VPS13C: variants seen among roughly 807,000 people sequenced by gnomAD.
VPS13C encodes vacuolar protein sorting 13 homolog C, also known as intermembrane lipid transfer protein VPS13C.
A neutral mutation model predicts 456.8 loss-of-function variants in VPS13C; 358 were observed. The ratio of observed to expected loss-of-function variants is 0.78; its 90% CI spans 0.72 to 0.86. VPS13C has a LOEUF of 0.86. Ranked by LOEUF, VPS13C falls within the 40% of genes least tolerant of loss-of-function variation. The probability of loss-of-function intolerance (pLI) is 0.00; values close to 1 mark genes in which losing one functional copy is unlikely to be tolerated. For synonymous variants in VPS13C, 1,578 were observed against 1,486.7 expected (o/e 1.06, Z -1.41); for missense variants, 4,818 against 4,385.4 (o/e 1.10, Z -2.79).
chr15:61,918,104 T>C (rs2043530756), intron 59 of VPS13C, 32 bp downstream of exon 59: 1 of 1,547,110 alleles, frequency 6.5e-7, no homozygotes, highest in East Asian at 2.4e-5. Flanking sequence ...ACTCAATACA[T>C]TTAAAGTTTA....
intron 11 of VPS13C, among the ~76,000 whole-genome samples, chr15:62,012,658 TA>T (rs2047087007): frequency 6.6e-6 from 1 of 151,900 alleles, no homozygotes; most frequent in South Asian, 2.1e-4. Flanking sequence ...CACAAATGTC[TA>T]AAACATGTGT....
intron 23 of VPS13C, among the ~76,000 whole-genome samples, chr15:61,978,408 G>A (rs965011027): frequency 2.0e-5 from 3 of 152,162 alleles, no homozygotes; most frequent in African/African-American, 4.8e-5. Context: ...TTGAAATGGA[G>A]CTAGGTATCT....
chr15:61,962,459 G>T lies in VPS13C; in HGVS notation c.3515C>A (p.Thr1172Asn). The T allele has an allele frequency of 6.2e-7, 1 of 1,612,084 alleles. No individual in the cohort carries two copies. The highest frequency in any genetic ancestry group is 8.5e-7 in the Non-Finnish European group (1 of 1,178,756). ...YPDATEGDLY[T>N]DMSKVDGVLS... is the part of the protein sequence containing the mutation. The stretch of plus-strand genomic sequence containing the variant: ...CACACCATCCACTTTGGACATGTCA[G>T]TATACAAATCCCCCTCAGTAGCATC... The change falls in exon 34 of 85, where the codon ACT becomes AAT. Residue 1172 changes from threonine to asparagine, a missense_variant. Transcript: ENST00000644861.
chr15:61,979,175 A>G (rs779143067), intron 22 of VPS13C, among the ~76,000 whole-genome samples: 2 of 152,156 alleles, frequency 1.3e-5, no homozygotes, highest in Non-Finnish European at 2.9e-5. Flanking sequence ...TTCAGCTCCA[A>G]TTTGTACTGC....
intron 66 of VPS13C, among the ~76,000 whole-genome samples, chr15:61,903,658 AT>A (rs1345267264): frequency 6.6e-6 from 1 of 152,212 alleles, no homozygotes; most frequent in Non-Finnish European, 1.5e-5. Flanking sequence ...AAAACCTAAA[AT>A]TCATATGGAA....
At chr15:62,008,558 G>T in intron 14 of VPS13C, 97 bp downstream of exon 14, 3 of 651,192 alleles carry the variant, frequency 4.6e-6, no homozygotes, top group Non-Finnish European at 7.1e-6. Flanking sequence ...TTTTAAAGTG[G>T]CTGAATTACT....
At chr15:61,967,494 T>G in intron 28 of VPS13C, 47 bp from the exon 29 acceptor site, 2 of 1,412,532 alleles carry the variant, frequency 1.4e-6, no homozygotes, top group Non-Finnish European at 1.9e-6. Context: ...TAAATTGCTC[T>G]TTTGTAATTT....
At chr15:62,059,106 C>T (rs2048901900) in intron 1 of VPS13C, among the ~76,000 whole-genome samples, 1 of 152,042 alleles carries the variant, frequency 6.6e-6, no homozygotes, top group African/African-American at 2.4e-5. Flanking sequence ...TTTAATTTAA[C>T]CCAATATATT....
At chr15:61,948,182 T>C (rs1159500970) in intron 42 of VPS13C, among the ~76,000 whole-genome samples, 2 of 152,196 alleles carry the variant, frequency 1.3e-5, no homozygotes, top group African/African-American at 4.8e-5. Flanking sequence ...GTTAATAGTG[T>C]TTCTAGTGTA....
chr15:61,878,674 G>GCTTTTC lies in VPS13C; in HGVS notation c.10074_10075insGAAAAG (p.Val3358_His3359insGluLys), dbSNP rs748145998. ...CTTTTCAACAGCAAGTTGACAGAAT[G>GCTTTTC]AACTGCAAACATTTCCTGTTTTTCT... On this transcript the variant is annotated inframe_insertion, in exon 74 of 85. Coordinates refer to ENST00000644861, the MANE Select transcript of VPS13C (RefSeq NM_020821.3). 1.2e-6 allele frequency: 2 copies of GCTTTTC among 1,611,676 alleles called. No individual in the cohort carries two copies. Among genetic ancestry groups the GCTTTTC allele is most frequent in the Non-Finnish European group, 1.7e-6 (2 of 1,178,836 alleles).
At position 61,890,251 on chromosome 15, in the gene VPS13C, A is replaced by C; in HGVS notation, c.9255T>G (p.Tyr3085Ter). The C allele has an allele frequency of 6.2e-7, 1 of 1,614,154 alleles. No individual in the cohort carries two copies. The highest frequency in any genetic ancestry group is 8.5e-7 in the Non-Finnish European group (1 of 1,180,026). ...LQAEEMEQAD[Y>*]EITLSLHSLG... ...GACTGTGGAGAGACAAGGTTATTTC[A>C]TAATCAGCCTGTTCCATTTCTTCTG... The change falls in exon 67 of 85, where the codon TAT (tyrosine) becomes TAG (stop). Residue 3085 changes from tyrosine (Y) to a stop codon, truncating the protein, a stop_gained. Coordinates refer to ENST00000644861, the MANE Select transcript of VPS13C (RefSeq NM_020821.3). LOFTEE classifies it high-confidence loss of function.
intron 30 of VPS13C, among the ~76,000 whole-genome samples, chr15:61,965,160 C>G (rs2045339636): frequency 1.3e-5 from 2 of 151,932 alleles, no homozygotes; most frequent in Admixed American, 1.3e-4. Context: ...ATTCAACATA[C>G]AGACGGCTTC....
At chr15:62,012,264 T>G (rs951533493) in intron 11 of VPS13C, 100 bp from the exon 12 acceptor site, 5 of 578,966 alleles carry the variant, frequency 8.6e-6, no homozygotes, top group Non-Finnish European at 1.5e-5. Flanking sequence ...ACACAAAGCT[T>G]GGTTCTTCAT....
chr15:61,913,260 C>CTACA, intron 62 of VPS13C, 51 bp downstream of exon 62: 3 of 1,524,768 alleles, frequency 2.0e-6, no homozygotes, highest in Non-Finnish European at 2.7e-6. Context: ...GTTTGTTGAA[C>CTACA]TGTAGCAAAG....
chr15:62,008,780 A>G lies in VPS13C; in HGVS notation c.1012-19T>C. The G allele has an allele frequency of 7.0e-7, 1 of 1,424,154 alleles. No homozygotes were observed. Among genetic ancestry groups the G allele is most frequent in the Non-Finnish European group, 9.5e-7 (1 of 1,047,480 alleles). 88.2% of individuals were successfully genotyped at this position (1,424,154 alleles called of 1,614,324 possible). A position where few individuals can be genotyped will look rare whatever the true frequency, so the allele number is the denominator to read the frequency against. On this transcript the variant is annotated intron_variant, in intron 13 of 84. Coordinates refer to ENST00000644861, the MANE Select transcript of VPS13C (RefSeq NM_020821.3). ...TTAAGTACTGTTAAAACAAAAATAAAATTATATTTATTACACTGTATATAT... is the reference window on the plus strand; with the variant it reads ...TTAAGTACTGTTAAAACAAAAATAAGATTATATTTATTACACTGTATATAT...
At chr15:61,879,686 C>A (rs1045476098) in intron 73 of VPS13C, among the ~76,000 whole-genome samples, 2 of 152,044 alleles carry the variant, frequency 1.3e-5, no homozygotes, top group Admixed American at 6.6e-5. Flanking sequence ...ACCTCCACAG[C>A]AACTTTCATA....
rs1895638693 is a variant in VPS13C, at chr15:61,878,701, T to C, written c.10048A>G (p.Lys3350Glu). The change falls in exon 74 of 85, where the codon AAA (lysine) becomes GAA (glutamate). Residue 3350 changes from lysine to glutamate, a missense_variant. Lys to Glu is a moderately conservative substitution (Grantham distance 56). This residue lies in a region of VPS13C where 4,552 missense variants were observed against 4,130.6 expected (regional missense o/e 1.10). Transcript: ENST00000644861. ...SLGSGGEESD[K>E]EKQEMFAVHS... is the part of the protein sequence containing the mutation. Reference sequence around the variant, plus strand: ...ACTGCAAACATTTCCTGTTTTTCTTTGTCTGATTCTTCACCTCCGGAACCC... The same window carrying C: ...ACTGCAAACATTTCCTGTTTTTCTTCGTCTGATTCTTCACCTCCGGAACCC... 1 of 1,611,270 alleles carries C rather than the reference T, an allele frequency of 6.2e-7. No individual in the cohort carries two copies. The highest frequency in any genetic ancestry group is 1.3e-5 in the African/African-American group (1 of 74,788).
chr15:61,956,642 T>C (rs981068651), intron 37 of VPS13C, among the ~76,000 whole-genome samples: 1 of 152,096 alleles, frequency 6.6e-6, no homozygotes, highest in Non-Finnish European at 1.5e-5. Flanking sequence ...AGTTGTATGA[T>C]AGAATGGTTA....
chr15:62,041,338 T>C lies in VPS13C; in HGVS notation c.173A>G (p.Lys58Arg). ...AAAGTACTTACCAATTTGGCCAGCC[T>C]TGACTTTAAAAGGAACATCCAATTC... ...LSELDVPFKV[K>R]AGQIDKLTLK... Residue 58 changes from lysine to arginine, a missense_variant, in exon 3 of 85, where the codon AAG becomes AGG. By Grantham distance (26) the Lys-to-Arg change is conservative (BLOSUM62 2). Around this residue, in one of 3 missense-constraint regions of VPS13C, gnomAD observed 4,552 missense variants for 4,130.6 expected, o/e 1.10. Transcript: ENST00000644861. 6.2e-7 allele frequency: 1 copy of C among 1,607,516 alleles called. No individual in the cohort carries two copies. Among genetic ancestry groups the C allele is most frequent in the Non-Finnish European group, 8.5e-7 (1 of 1,178,460 alleles).
Sources: allele counts gnomAD v4.1 joint callset (sites outside exome capture counted in the v4.1 genomes callset), GRCh38; gene constraint gnomAD v4.1.1; regional missense constraint gnomAD v4.1.1; transcripts MANE v1.5; gene names NCBI Gene and HGNC (gene_info 2026-07-23, HGNC 2026-07-21).